INPP5K: variants seen among roughly 807,000 people sequenced by gnomAD.
INPP5K encodes the protein inositol polyphosphate 5-phosphatase K.
INPP5K carries 35 observed loss-of-function variants against 53.5 expected under a neutral mutation model. The observed-to-expected ratio is 0.65, with a 90% CI of 0.50 to 0.87. The LOEUF is 0.87. INPP5K is among the 40% of genes least tolerant of loss of function. The probability of loss-of-function intolerance (pLI) is 0.00; values close to 1 mark genes in which losing one functional copy is unlikely to be tolerated. For missense variants in INPP5K, 550 were observed against 586.2 expected (o/e 0.94, Z 0.64); for synonymous variants, 253 against 232.8 (o/e 1.09, Z -0.79).
At chr17:1,510,193 C>G (rs1224940950) in intron 3 of INPP5K, among the ~76,000 whole-genome samples, 2 of 152,142 alleles carry the variant, frequency 1.3e-5, no homozygotes, top group Non-Finnish European at 2.9e-5. Flanking sequence ...TGGGGATTAT[C>G]TGAAAGCTAT....
At chr17:1,497,773 C>G (rs1271518218) in intron 8 of INPP5K, 163 bp downstream of exon 8, 1 of 639,742 alleles carries the variant, frequency 1.6e-6, no homozygotes, top group Non-Finnish European at 2.8e-6. Flanking sequence ...ATCAACGGCT[C>G]CTAAGAGGAG....
intron 7 of INPP5K, among the ~76,000 whole-genome samples, chr17:1,499,386 G>C (rs559861402): frequency 6.6e-6 from 1 of 152,188 alleles, no homozygotes; most frequent in South Asian, 2.1e-4. Flanking sequence ...CCAGCTACTC[G>C]GGAGGCTGAG....
chr17:1,506,316 C>T (rs1598379685), intron 7 of INPP5K, among the ~76,000 whole-genome samples: 2 of 152,170 alleles, frequency 1.3e-5, no homozygotes, highest in South Asian at 4.1e-4. Flanking sequence ...TGAGCCACCG[C>T]GCCCAGCCGG....
At chr17:1,506,896 CTTCTA>C in intron 7 of INPP5K, 79 bp downstream of exon 7, 3 of 958,162 alleles carry the variant, frequency 3.1e-6, no homozygotes, top group Non-Finnish European at 4.9e-6. Context: ...CCCCCTAACA[CTTCTA>C]TTCTGAGACA....
chr17:1,495,960 C>T (rs978670667), intron 11 of INPP5K, 81 bp from the exon 12 acceptor site: 6 of 1,418,110 alleles, frequency 4.2e-6, no homozygotes, highest in African/African-American at 1.4e-5. Context: ...TGCACTGCAG[C>T]GGCCCCTCAT....
intron 7 of INPP5K, among the ~76,000 whole-genome samples, chr17:1,500,989 C>T (rs2074997130): frequency 7.0e-6 from 1 of 142,566 alleles, no homozygotes; most frequent in African/African-American, 2.6e-5. Context: ...AAGACGGAGT[C>T]TCGCTATCGC....
At chr17:1,514,431 G>C (rs1375671150) in intron 1 of INPP5K, among the ~76,000 whole-genome samples, 1 of 152,098 alleles carries the variant, frequency 6.6e-6, no homozygotes, top group African/African-American at 2.4e-5. Flanking sequence ...GGAGGGAATG[G>C]GGATACTGAA....
chr17:1,513,361 C>T, intron 3 of INPP5K, 92 bp downstream of exon 3: 2 of 1,000,986 alleles, frequency 2.0e-6, no homozygotes, highest in Admixed American at 1.7e-5. Flanking sequence ...AAAGGCTGAG[C>T]AGGAGTAAGA....
rs1046140838 is a variant in INPP5K, at chr17:1,496,375, C to T, written c.1129G>A (p.Val377Met). ...KVGLRDVNDY[V>M]SYAWVGDSKV... ...CTGTCCCCGACCCAGGCATAGGACA[C>T]GTAGTCATTAACGTCCCGCAGCCCC... The change falls in exon 10 of 12, where the codon GTG becomes ATG. Residue 377 changes from valine to methionine, a missense_variant. By Grantham distance (21) the Val-to-Met change is conservative. Transcript: ENST00000421807. 12 of 1,564,694 alleles carry T rather than the reference C, an allele frequency of 7.7e-6. No homozygotes were observed. Among genetic ancestry groups the T allele is most frequent in the African/African-American group, 4.1e-5 (3 of 73,874 alleles).
Position 1,496,305 on chromosome 17 carries a change from T to G in INPP5K, c.1185+14A>C, listed in dbSNP as rs1857105468. On this transcript the variant is annotated intron_variant, in intron 10 of 11. Transcript: ENST00000421807. ...GCCTGCCTGCTGGTGATGTACCTGG[T>G]GCTGGTGACGTACCTGGTTCAGGTT... The G allele has an allele frequency of 6.4e-7, 1 of 1,555,528 alleles. No homozygotes were observed. Among genetic ancestry groups the G allele is most frequent in the Non-Finnish European group, 8.7e-7 (1 of 1,148,282 alleles).
chr17:1,515,423 C>T (rs2075411150), intron 1 of INPP5K: 16 of 985,480 alleles, frequency 1.6e-5, no homozygotes, highest in Non-Finnish European at 1.9e-5. Flanking sequence ...AAAGAGAGAC[C>T]TACAGATGTC....
intron 1 of INPP5K, chr17:1,516,102 A>T: frequency 8.4e-7 from 1 of 1,185,196 alleles, no homozygotes; most frequent in Non-Finnish European, 1.0e-6. Flanking sequence ...GATCAGGCAG[A>T]CCTCCTGATG....
At chr17:1,499,253 C>A (rs565771602) in intron 7 of INPP5K, among the ~76,000 whole-genome samples, 19 of 152,258 alleles carry the variant, frequency 1.2e-4, no homozygotes, top group African/African-American at 4.6e-4. Context: ...GTGCTCACGC[C>A]TGTAATCCAA....
chr17:1,513,488 G>C lies in INPP5K; in HGVS notation c.226C>G (p.Leu76Val). ...CTCAGAGGGGAAAGCACATCCATGA[G>C]GAAACTGCTCCACGAGTCATTAAAG... ...AAFNDSWSSF[L>V]MDVLSPLSFI... Residue 76 changes from leucine (L) to valine (V), a missense_variant, in exon 3 of 12, where the codon CTC (leucine) becomes GTC (valine). Transcript: ENST00000421807. The C allele has an allele frequency of 6.2e-7, 1 of 1,614,218 alleles. No individual in the cohort carries two copies. The highest frequency in any genetic ancestry group is 8.5e-7 in the Non-Finnish European group (1 of 1,180,042).
intron 1 of INPP5K, among the ~76,000 whole-genome samples, chr17:1,515,124 C>G (rs1195679153): frequency 6.6e-6 from 1 of 152,134 alleles, no homozygotes; most frequent in Non-Finnish European, 1.5e-5. Context: ...CCAGGCTGGT[C>G]CTGAACTCCT....
chr17:1,495,699 GT>G lies in INPP5K; in HGVS notation c.*123del. 1 of 671,512 alleles carries G rather than the reference GT, an allele frequency of 1.5e-6. No individual in the cohort carries two copies. The highest frequency in any genetic ancestry group is 2.6e-6 in the Non-Finnish European group (1 of 377,566). 41.6% of individuals were successfully genotyped at this position (671,512 alleles called of 1,614,324 possible). A position where few individuals can be genotyped will look rare whatever the true frequency, so the allele number is the denominator to read the frequency against. ...CTGGTTAGAGCTCACTCTGGGAGGA[GT>G]ATGTGGACGACACTTGGCTGTCTCT... On this transcript the variant is annotated 3_prime_UTR_variant, in exon 12 of 12. Coordinates refer to ENST00000421807, the MANE Select transcript of INPP5K (RefSeq NM_016532.4).
chr17:1,513,173 T>A (rs962701114), intron 3 of INPP5K, among the ~76,000 whole-genome samples: 1 of 152,130 alleles, frequency 6.6e-6, no homozygotes, highest in Non-Finnish European at 1.5e-5. Flanking sequence ...CGGCCAGCAC[T>A]GAGGTGATGA....
intron 8 of INPP5K, chr17:1,497,684 T>G (rs905090552): frequency 4.8e-6 from 2 of 414,298 alleles, no homozygotes; most frequent in East Asian, 3.8e-5. Context: ...ATGGAACTCA[T>G]TAGCCCCAAG....
intron 5 of INPP5K, chr17:1,508,642 A>T (rs1408084666): frequency 3.5e-5 from 11 of 310,118 alleles, no homozygotes; most frequent in Non-Finnish European, 4.3e-5. Context: ...GATGGGCACC[A>T]GGGAAGGGTC....
Sources: allele counts gnomAD v4.1 joint callset (sites outside exome capture counted in the v4.1 genomes callset), GRCh38; gene constraint gnomAD v4.1.1; transcripts MANE v1.5; gene names NCBI Gene and HGNC (gene_info 2026-07-23, HGNC 2026-07-21).